SLC30A3: variants seen among roughly 807,000 people sequenced by gnomAD.
The protein encoded by SLC30A3 is solute carrier family 30 member 3, also known as probable proton-coupled zinc antiporter SLC30A3.
A neutral mutation model predicts 35.6 loss-of-function variants in SLC30A3; 20 were observed. The observed-to-expected ratio is 0.56, with a 90% CI of 0.39 to 0.82. The LOEUF (loss-of-function observed/expected upper bound fraction) is 0.82, where lower values mean the gene tolerates loss of function less well. Among genes scored for constraint, SLC30A3 ranks in the 40% least tolerant of loss-of-function variants. The pLI, the probability that SLC30A3 is intolerant of heterozygous loss-of-function variation, is 0.00. For synonymous variants in SLC30A3, 217 were observed against 224.7 expected (o/e 0.97, Z 0.31); for missense variants, 401 against 530.6 (o/e 0.76, Z 2.40).
chr2:27,267,618 G>C (rs1677544625), upstream of SLC30A3, among the ~76,000 whole-genome samples: 1 of 151,934 alleles, frequency 6.6e-6, no homozygotes, highest in African/African-American at 2.4e-5. Context: ...ACCTGGCCAG[G>C]CCCTCTCTGC....
Position 27,262,696 on chromosome 2 carries a change from G to A in SLC30A3, c.95+116C>T. 2 of 1,013,152 alleles carry A rather than the reference G, an allele frequency of 2.0e-6. No homozygotes were observed. Among genetic ancestry groups the A allele is most frequent in the Non-Finnish European group, 1.4e-6 (1 of 730,156 alleles). The allele number at this position is 1,013,152 out of a possible 1,614,324, so 62.8% of individuals were successfully genotyped here. A position where few individuals can be genotyped will look rare whatever the true frequency, so the allele number is the denominator to read the frequency against. On this transcript the variant is annotated intron_variant, in intron 1 of 7. Transcript: ENST00000233535. The surrounding 1 kb of genome is among the most constrained non-coding windows in gnomAD (Gnocchi z 7.5). ...GATGAAGCGGGGTGCAGCGGAGCGA[G>A]GGACCCGCGGTGCGCTGGGGCGGCC...
chr2:27,268,294 G>A (rs868283213), intron 1 of SLC30A3, among the ~76,000 whole-genome samples: 7 of 152,190 alleles, frequency 4.6e-5, no homozygotes, highest in Non-Finnish European at 1.0e-4. Flanking sequence ...ACTTATCATT[G>A]TATCCAAGGT....
intron 7 of SLC30A3, 98 bp downstream of exon 7, chr2:27,256,288 A>G (rs1299873826): frequency 1.4e-6 from 2 of 1,418,266 alleles, no homozygotes; most frequent in East Asian, 2.3e-5. Context: ...GAGACAGATC[A>G]AAAAAGACTG....
Position 27,262,960 on chromosome 2 carries a change from G to A in SLC30A3, c.-54C>T, listed in dbSNP as rs1389547372. The A allele has an allele frequency of 1.4e-6, 2 of 1,461,764 alleles. No individual in the cohort carries two copies. Among genetic ancestry groups the A allele is most frequent in the Non-Finnish European group, 1.8e-6 (2 of 1,116,766 alleles). 90.5% of individuals were successfully genotyped at this position (1,461,764 alleles called of 1,614,324 possible). A position where few individuals can be genotyped will look rare whatever the true frequency, so the allele number is the denominator to read the frequency against. On this transcript the variant is annotated 5_prime_UTR_variant, in exon 1 of 8. Coordinates refer to ENST00000233535, the MANE Select transcript of SLC30A3 (RefSeq NM_003459.5). The surrounding 1 kb of genome is among the most constrained non-coding windows in gnomAD (Gnocchi z 7.5). ...CACCGAGGAAGAGAGAGGCCGGGCCGGCCCCGCGCCAAGTCCGAGCAGCCC... is the reference window on the plus strand; with the variant it reads ...CACCGAGGAAGAGAGAGGCCGGGCCAGCCCCGCGCCAAGTCCGAGCAGCCC...
chr2:27,262,368 T>G lies in SLC30A3; in HGVS notation c.95+444A>C, dbSNP rs974931308. 6.6e-6 allele frequency among the ~76,000 whole-genome samples: 1 copy of G among 151,634 alleles called. No individual in the cohort carries two copies. Among genetic ancestry groups the G allele is most frequent in the East Asian group, 1.9e-4 (1 of 5,136 alleles). On this transcript the variant is annotated intron_variant, in intron 1 of 7. Transcript: ENST00000233535. The surrounding 1 kb of genome is among the most constrained non-coding windows in gnomAD (Gnocchi z 7.5). ...CCCGGCGCCCACAGCTGGCCGCGGC[T>G]GGAGGGGGCGCGCGGAGGGGAGCCC...
In SLC30A3 at chr2:27,257,742, G is replaced by A; in HGVS notation, c.578+163C>T. The stretch of plus-strand genomic sequence containing the variant: ...CAGAGATCTGCTGACTGAATTTTAG[G>A]TCTCTATCCCAGACCCTTCTCAGGC... On this transcript the variant is annotated intron_variant, in intron 4 of 7. Transcript: ENST00000233535. This position sits in a 1 kb window ranked among gnomAD's most constrained non-coding sequence, Gnocchi z 4.7. The A allele has an allele frequency of 8.6e-6, 6 of 700,610 alleles. No homozygotes were observed. The highest frequency in any genetic ancestry group is 1.4e-5 in the Non-Finnish European group (6 of 425,908). 43.4% of individuals were successfully genotyped at this position (700,610 alleles called of 1,614,324 possible). A position where few individuals can be genotyped will look rare whatever the true frequency, so the allele number is the denominator to read the frequency against.
chr2:27,256,264 GAC>G, intron 7 of SLC30A3, 120 bp downstream of exon 7: 2 of 1,144,490 alleles, frequency 1.7e-6, no homozygotes, highest in Non-Finnish European at 1.3e-6. Context: ...GAGAGAGAGA[GAC>G]ACAGAGAAAC....
intron 1 of SLC30A3, among the ~76,000 whole-genome samples, chr2:27,260,713 A>G (rs1393033071): frequency 6.6e-6 from 1 of 152,202 alleles, no homozygotes; most frequent in Non-Finnish European, 1.5e-5. Context: ...AAGTGGGTGA[A>G]CTGAGTTTTG....
intron 1 of SLC30A3, among the ~76,000 whole-genome samples, chr2:27,274,185 C>T (rs1677873450): frequency 6.6e-6 from 1 of 152,098 alleles, no homozygotes; most frequent in Non-Finnish European, 1.5e-5. Flanking sequence ...ATTAGCCAGG[C>T]GTGGTGGCAG....
At chr2:27,263,113 T>TCC (rs1436486226), upstream of SLC30A3, 1 of 1,342,506 alleles carries the variant, frequency 7.4e-7, no homozygotes, top group Non-Finnish European at 9.5e-7. Flanking sequence ...TGGGGCGAGC[T>TCC]CCCCAAGCTC....
At chr2:27,259,320 C>T (rs1034642966) in intron 1 of SLC30A3, among the ~76,000 whole-genome samples, 1 of 152,134 alleles carries the variant, frequency 6.6e-6, no homozygotes. Flanking sequence ...TGGTGAAACC[C>T]CATCTCTACT....
intron 1 of SLC30A3, among the ~76,000 whole-genome samples, chr2:27,268,849 T>C (rs1677608096): frequency 6.6e-6 from 1 of 152,166 alleles, no homozygotes; most frequent in Non-Finnish European, 1.5e-5. Context: ...TGTGATGCTG[T>C]GAGCAAAGTA....
upstream of SLC30A3, chr2:27,264,026 G>C (rs78170515): frequency 7.8e-7 from 1 of 1,288,250 alleles, no homozygotes; most frequent in African/African-American, 1.5e-5. The surrounding 1 kb of genome is among the most constrained non-coding windows in gnomAD (Gnocchi z 6.1). Context: ...GTCGGTGGCC[G>C]AGCCTCAAGT....
chr2:27,270,445 A>G (rs1213350660), intron 1 of SLC30A3, among the ~76,000 whole-genome samples: 1 of 152,144 alleles, frequency 6.6e-6, no homozygotes, highest in Non-Finnish European at 1.5e-5. Flanking sequence ...AAAGACACCA[A>G]TAACAATTTG....
chr2:27,258,592 C>T lies in SLC30A3; in HGVS notation c.277+161G>A, dbSNP rs58965570. 0.23 allele frequency: 185,696 copies of T among 792,658 alleles called. 23,498 individuals are homozygous for T. Among genetic ancestry groups the T allele is most frequent in the Admixed American group, 0.42 (15,613 of 37,580 alleles). 49.1% of individuals were successfully genotyped at this position (792,658 alleles called of 1,614,324 possible). A position where few individuals can be genotyped will look rare whatever the true frequency, so the allele number is the denominator to read the frequency against. ...CGGCTGGAATTCCCTTTGTTGCTGT[C>T]CCTTATCCCTCCTACTTCCTGAGTC... On this transcript the variant is annotated intron_variant, in intron 2 of 7. Transcript: ENST00000233535. This position sits in a 1 kb window ranked among gnomAD's most constrained non-coding sequence, Gnocchi z 4.0.
chr2:27,269,813 A>T (rs546099378), intron 1 of SLC30A3, among the ~76,000 whole-genome samples: 3 of 152,158 alleles, frequency 2.0e-5, no homozygotes, highest in Non-Finnish European at 4.4e-5. Flanking sequence ...AGCCGAGACC[A>T]TGCCACTCTA....
chr2:27,272,777 C>T (rs1405146241), intron 1 of SLC30A3, among the ~76,000 whole-genome samples: 3 of 151,368 alleles, frequency 2.0e-5, no homozygotes, highest in Non-Finnish European at 4.4e-5. Context: ...ACCAGCTGGG[C>T]GTGGTGGCTC....
chr2:27,274,583 A>AAGCT (rs1162109180), intron 1 of SLC30A3, among the ~76,000 whole-genome samples: 4 of 152,150 alleles, frequency 2.6e-5, no homozygotes, highest in Admixed American at 2.6e-4. Context: ...AGCCAGGTAG[A>AAGCT]GGCATGCTCC....
chr2:27,264,035 G>A, upstream of SLC30A3: 1 of 1,288,678 alleles, frequency 7.8e-7, no homozygotes. The surrounding 1 kb of genome is among the most constrained non-coding windows in gnomAD (Gnocchi z 6.1). Flanking sequence ...CGAGCCTCAA[G>A]TCGAAGCTTC....
Sources: allele counts gnomAD v4.1 joint callset (sites outside exome capture counted in the v4.1 genomes callset), GRCh38; gene constraint gnomAD v4.1.1; non-coding constraint Gnocchi (gnomAD v3.1); transcripts MANE v1.5; gene names NCBI Gene and HGNC (gene_info 2026-07-23, HGNC 2026-07-21).